Variants in PCDHGB3 observed in about 807,000 individuals in gnomAD.
The protein encoded by PCDHGB3 is protocadherin gamma subfamily B, 3.
PCDHGB3 carries 40 observed loss-of-function variants against 59.2 expected under a neutral mutation model. The ratio of observed to expected loss-of-function variants is 0.68; its 90% CI spans 0.52 to 0.88. The LOEUF (loss-of-function observed/expected upper bound fraction) is 0.88. Ranked by LOEUF, PCDHGB3 falls within the 40% of genes least tolerant of loss-of-function variation. The pLI, the probability that PCDHGB3 is intolerant of heterozygous loss-of-function variation, is 0.00. For missense variants in PCDHGB3, 1,309 were observed against 1,187.9 expected, an observed-to-expected ratio of 1.10 and a Z score of -1.50; for synonymous variants, 581 against 503.6, an observed-to-expected ratio of 1.15 and a Z score of -2.06.
intron 3 of PCDHGB3, among the ~76,000 whole-genome samples, chr5:141,509,049 C>G (rs1384134813): frequency 3.3e-5 from 5 of 152,150 alleles, no homozygotes; most frequent in Non-Finnish European, 5.9e-5. Context: ...TCCCCCGCCC[C>G]CAGAAAGCTC....
intron 1 of PCDHGB3, among the ~76,000 whole-genome samples, chr5:141,442,702 T>A (rs1301940560): frequency 1.3e-5 from 2 of 152,342 alleles, no homozygotes; most frequent in African/African-American, 4.8e-5. Context: ...GACAAGAGTA[T>A]CAGACATGCC....
intron 1 of PCDHGB3, chr5:141,373,932 C>A: frequency 2.9e-6 from 2 of 688,010 alleles, no homozygotes; most frequent in Non-Finnish European, 4.5e-6. Context: ...GACGGGAAAG[C>A]AGGAAAGCTG....
chr5:141,372,376 AC>A lies in PCDHGB3; in HGVS notation c.1984del (p.Leu662Ter), dbSNP rs1371288225. The A allele has an allele frequency of 6.2e-7, 1 of 1,613,960 alleles. No homozygotes were observed. The highest frequency in any genetic ancestry group is 1.7e-5 in the Admixed American group (1 of 60,030). On this transcript the variant is annotated frameshift_variant, in exon 1 of 4. Transcript: ENST00000576222. LOFTEE classifies it high-confidence loss of function. ...CCTCTTTCAGCCACCGTCATGCTGC[AC>A]CTAATCTTCGCAGATAGCTTGCAAG... ...QQPLSATVML[H>X]LIFADSLQEI...
intron 2 of PCDHGB3, among the ~76,000 whole-genome samples, chr5:141,498,555 C>T (rs2099784323): frequency 6.6e-6 from 1 of 152,032 alleles, no homozygotes; most frequent in South Asian, 2.1e-4. Flanking sequence ...GACACACCAG[C>T]TTCAAAGCAG....
chr5:141,485,070 G>A lies in PCDHGB3; in HGVS notation c.2416-9737G>A. On this transcript the variant is annotated intron_variant, in intron 1 of 3. Coordinates refer to ENST00000576222, the MANE Select transcript of PCDHGB3 (RefSeq NM_018924.5). The surrounding 1 kb of genome is among the most constrained non-coding windows in gnomAD (Gnocchi z 5.7). ...CGCCGGCCGAACCGCGCCAGAGCTG[G>A]CGCGGGGAAAGGGAGATAGGTGTCT... is the stretch of plus-strand genomic sequence containing the variant. The A allele has an allele frequency of 1.1e-6, 1 of 908,406 alleles. No individual in the cohort carries two copies. Among genetic ancestry groups the A allele is most frequent in the Non-Finnish European group, 1.7e-6 (1 of 580,008 alleles). 56.3% of individuals were successfully genotyped at this position (908,406 alleles called of 1,614,324 possible). A position where few individuals can be genotyped will look rare whatever the true frequency, so the allele number is the denominator to read the frequency against.
chr5:141,408,849 A>G (rs764977493), intron 1 of PCDHGB3: 1 of 1,613,610 alleles, frequency 6.2e-7, no homozygotes, highest in South Asian at 1.1e-5. Context: ...ACTGCCTTGG[A>G]CGGAGGGGAC....
intron 3 of PCDHGB3, among the ~76,000 whole-genome samples, chr5:141,510,378 C>A (rs919650449): frequency 6.6e-6 from 1 of 151,786 alleles, no homozygotes; most frequent in East Asian, 2.0e-4. Flanking sequence ...TCTACTCGTG[C>A]CAGGCCTTGC....
chr5:141,447,848 G>A (rs539844218), intron 1 of PCDHGB3, among the ~76,000 whole-genome samples: 46 of 152,302 alleles, frequency 3.0e-4, no homozygotes, highest in East Asian at 2.7e-3. Context: ...TGCTTTGGGA[G>A]GCCGAGGTGG....
rs760367783 is a variant in PCDHGB3 at position 141,394,819 on chromosome 5, C to T, written c.2415+22010C>T. The T allele has an allele frequency of 2.5e-6, 4 of 1,613,890 alleles. No individual in the cohort carries two copies. In the South Asian group the frequency reaches 4.4e-5, roughly 18 times the overall value. On this transcript the variant is annotated intron_variant, in intron 1 of 3. Transcript: ENST00000576222. ...ACCGTAGCCGTGGCTGACAGCATCCCCGAAGTCCTGACCGAGTTGGGCAGT... is the reference window on the plus strand; with the variant it reads ...ACCGTAGCCGTGGCTGACAGCATCCTCGAAGTCCTGACCGAGTTGGGCAGT...
At chr5:141,454,313 G>A (rs986902404) in intron 1 of PCDHGB3, among the ~76,000 whole-genome samples, 1 of 152,296 alleles carries the variant, frequency 6.6e-6, no homozygotes, top group Non-Finnish European at 1.5e-5. Context: ...TCAAAGCATT[G>A]AAACCTCCAA....
intron 2 of PCDHGB3, among the ~76,000 whole-genome samples, chr5:141,498,277 G>T (rs1216561939): frequency 6.6e-6 from 1 of 151,924 alleles, no homozygotes; most frequent in African/African-American, 2.4e-5. Flanking sequence ...CAGTAAACTT[G>T]GTTCAAGATC....
At chr5:141,473,369 G>A (rs888984972) in intron 1 of PCDHGB3, among the ~76,000 whole-genome samples, 1 of 152,200 alleles carries the variant, frequency 6.6e-6, no homozygotes, top group African/African-American at 2.4e-5. Context: ...CACCAAAATA[G>A]CATGGTCCCT....
intron 1 of PCDHGB3, among the ~76,000 whole-genome samples, chr5:141,447,896 G>C (rs2098554754): frequency 6.6e-6 from 1 of 152,022 alleles, no homozygotes; most frequent in African/African-American, 2.4e-5. Flanking sequence ...GACCAGCCTG[G>C]CCAACATGGT....
chr5:141,455,494 T>C (rs1223531150), intron 1 of PCDHGB3, among the ~76,000 whole-genome samples: 2 of 152,214 alleles, frequency 1.3e-5, no homozygotes, highest in African/African-American at 4.8e-5. Context: ...AGGTGATGTC[T>C]GATTTGCATA....
intron 1 of PCDHGB3, among the ~76,000 whole-genome samples, chr5:141,407,088 G>T (rs955657125): frequency 4.6e-5 from 7 of 152,058 alleles, no homozygotes; most frequent in African/African-American, 1.7e-4. Context: ...ATGAAGAATT[G>T]TTTTATTTGT....
chr5:141,377,257 C>CT (rs1361180220), intron 1 of PCDHGB3: 1 of 147,998 alleles, frequency 6.8e-6, no homozygotes, highest in Non-Finnish European at 1.5e-5. Context: ...AAGGTTCTTT[C>CT]TTTTTCTAAT....
chr5:141,450,107 A>G (rs1228532939), intron 1 of PCDHGB3, among the ~76,000 whole-genome samples: 3 of 150,976 alleles, frequency 2.0e-5, no homozygotes, highest in Non-Finnish European at 4.4e-5. Flanking sequence ...CCCAGGTTCA[A>G]ATGATTCTCC....
intron 1 of PCDHGB3, chr5:141,411,291 C>G (rs2095478163): frequency 6.6e-6 from 1 of 152,158 alleles, no homozygotes; most frequent in South Asian, 2.1e-4. Context: ...ATTCAGAAGA[C>G]AGGCCCAGTG....
At chr5:141,500,355 C>G (rs539892249) in intron 2 of PCDHGB3, among the ~76,000 whole-genome samples, 2 of 151,912 alleles carry the variant, frequency 1.3e-5, no homozygotes, top group Non-Finnish European at 2.9e-5. Flanking sequence ...ACTACAGGCG[C>G]CCACTACCAC....
Sources: gnomAD v4.1 joint callset for allele counts (sites outside exome capture counted in the v4.1 genomes callset) on GRCh38, gnomAD v4.1.1 for gene constraint, Gnocchi (gnomAD v3.1) non-coding constraint, MANE v1.5 for transcripts, NCBI Gene and HGNC (gene_info 2026-07-23, HGNC 2026-07-21) for gene names.